Variants in SMOC1 observed in about 807,000 individuals in gnomAD.
The protein encoded by SMOC1 is SPARC related modular calcium binding 1, also known as SPARC-related modular calcium-binding protein 1.
A neutral mutation model predicts 56.3 loss-of-function variants in SMOC1; 22 were observed. That is an observed-to-expected ratio of 0.39 (90% confidence interval 0.28 to 0.56). SMOC1 has a LOEUF of 0.56. Ranked by LOEUF, SMOC1 falls within the 20% of genes least tolerant of loss-of-function variation. The probability of loss-of-function intolerance (pLI) is 0.61; values close to 1 mark genes in which losing one functional copy is unlikely to be tolerated. For synonymous variants in SMOC1, 193 were observed against 215.0 expected (o/e 0.90, Z 0.89); for missense variants, 509 against 565.4 (o/e 0.90, Z 1.01).
intron 1 of SMOC1, among the ~76,000 whole-genome samples, chr14:69,931,739 G>T (rs965541787): frequency 6.6e-6 from 1 of 152,202 alleles, no homozygotes. Context: ...GAAAATCAGG[G>T]GATGTGGCGG....
At chr14:69,952,389 G>T in intron 2 of SMOC1, 86 bp downstream of exon 2, 1 of 1,520,588 alleles carries the variant, frequency 6.6e-7, no homozygotes, top group South Asian at 1.1e-5. Flanking sequence ...GGGAAGCTTG[G>T]AGTAAGTCTG....
At chr14:69,951,911 G>T (rs1427047844) in intron 1 of SMOC1, among the ~76,000 whole-genome samples, 1 of 152,236 alleles carries the variant, frequency 6.6e-6, no homozygotes, top group Admixed American at 6.5e-5. Flanking sequence ...TTGGCACAAT[G>T]CCTGTTAATG....
intron 5 of SMOC1, among the ~76,000 whole-genome samples, chr14:69,981,099 G>C (rs1884163736): frequency 2.0e-5 from 3 of 152,056 alleles, no homozygotes; most frequent in Admixed American, 2.0e-4. Context: ...AGGAGGCCCA[G>C]AGAGATGGCA....
At chr14:69,918,517 C>T (rs1200428467) in intron 1 of SMOC1, among the ~76,000 whole-genome samples, 1 of 152,134 alleles carries the variant, frequency 6.6e-6, no homozygotes, top group African/African-American at 2.4e-5. Context: ...TGTGAGCCAC[C>T]ACGCTCGGCT....
At chr14:69,939,569 G>T (rs936771009) in intron 1 of SMOC1, among the ~76,000 whole-genome samples, 2 of 152,154 alleles carry the variant, frequency 1.3e-5, no homozygotes, top group Non-Finnish European at 2.9e-5. Context: ...ACTGGCTTTT[G>T]CAAGTTCTCT....
intron 1 of SMOC1, among the ~76,000 whole-genome samples, chr14:69,918,587 T>A (rs1005849729): frequency 3.9e-5 from 6 of 152,174 alleles, no homozygotes; most frequent in Non-Finnish European, 8.8e-5. Context: ...AACTCCTGGA[T>A]CCATCACTTA....
At chr14:70,025,265 G>C (rs1191416921) in intron 11 of SMOC1, among the ~76,000 whole-genome samples, 1 of 152,184 alleles carries the variant, frequency 6.6e-6, no homozygotes, top group African/African-American at 2.4e-5. Context: ...CCTAAGGAGA[G>C]AGTTTAGCAG....
chr14:69,882,605 A>G (rs140813328), intron 1 of SMOC1, among the ~76,000 whole-genome samples: 90 of 152,316 alleles, frequency 5.9e-4, no homozygotes, highest in African/African-American at 1.9e-3. Flanking sequence ...CTGAGGAGGC[A>G]GCCGTTTCTT....
rs141157620 is a variant in SMOC1 at position 69,963,118 on chromosome 14, T to C, written c.378+9586T>C. 1.3e-4 allele frequency among the ~76,000 whole-genome samples: 20 copies of C among 152,248 alleles called. 2 individuals are homozygous for C. In the East Asian group the frequency reaches 3.9e-3, roughly 29 times the overall value. ...CCACACTCTACTGATTACTATAACC[T>C]TGTAGTAAGTTTTGAAATCTTATTT... On this transcript the variant is annotated intron_variant, in intron 3 of 11. Coordinates refer to ENST00000361956, the MANE Select transcript of SMOC1 (RefSeq NM_001034852.3).
chr14:69,943,150 C>T (rs1329250453), intron 1 of SMOC1, among the ~76,000 whole-genome samples: 2 of 152,160 alleles, frequency 1.3e-5, no homozygotes, highest in Non-Finnish European at 2.9e-5. Flanking sequence ...TCCAGCTGCC[C>T]AACAGCTGGA....
At chr14:70,013,557 AG>A in intron 10 of SMOC1, 66 bp downstream of exon 10, 1 of 1,333,494 alleles carries the variant, frequency 7.5e-7, no homozygotes. Context: ...TCAAATGCTG[AG>A]GGAGGGTGAG....
intron 3 of SMOC1, among the ~76,000 whole-genome samples, chr14:69,957,509 T>C (rs1883230108): frequency 6.6e-6 from 1 of 152,230 alleles, no homozygotes; most frequent in African/African-American, 2.4e-5. Context: ...TCCAAGGCTG[T>C]GCTCTTAACT....
chr14:69,908,396 GCA>G (rs1884467927), intron 1 of SMOC1, among the ~76,000 whole-genome samples: 1 of 152,134 alleles, frequency 6.6e-6, no homozygotes, highest in African/African-American at 2.4e-5. Context: ...CTATAATATT[GCA>G]CAGTTACCTG....
intron 5 of SMOC1, among the ~76,000 whole-genome samples, chr14:69,982,504 A>AGGCAAT: frequency 6.6e-6 from 1 of 152,204 alleles, no homozygotes; most frequent in East Asian, 1.9e-4. Context: ...CTTAGGACAG[A>AGGCAAT]GGCAATGGCT....
At chr14:69,885,409 A>C in intron 1 of SMOC1, 1 of 1,600,874 alleles carries the variant, frequency 6.2e-7, no homozygotes, top group Non-Finnish European at 8.5e-7. Flanking sequence ...CCACAGACTT[A>C]GGACCCAGGA....
chr14:70,029,274 G>A (rs773192083), intron 11 of SMOC1, among the ~76,000 whole-genome samples: 1 of 152,204 alleles, frequency 6.6e-6, no homozygotes, highest in African/African-American at 2.4e-5. Context: ...GAATGAGGCT[G>A]GGACTTTGTG....
At chr14:69,993,848 G>T (rs1486750412) in intron 6 of SMOC1, among the ~76,000 whole-genome samples, 1 of 152,114 alleles carries the variant, frequency 6.6e-6, no homozygotes, top group Non-Finnish European at 1.5e-5. Context: ...CTGTCCACTG[G>T]GTGACCAAAT....
chr14:69,887,391 G>T (rs1883838776), intron 1 of SMOC1, among the ~76,000 whole-genome samples: 1 of 152,148 alleles, frequency 6.6e-6, no homozygotes, highest in South Asian at 2.1e-4. Flanking sequence ...GGTTGGTGTG[G>T]GTTGGTGTTG....
chr14:69,880,006 A>G (rs1883592214), intron 1 of SMOC1, among the ~76,000 whole-genome samples: 1 of 152,092 alleles, frequency 6.6e-6, no homozygotes, highest in Admixed American at 6.5e-5. Context: ...CTGTCCCCGA[A>G]CTGTCACTGG....
Sources: allele counts gnomAD v4.1 joint callset (sites outside exome capture counted in the v4.1 genomes callset), GRCh38; gene constraint gnomAD v4.1.1; transcripts MANE v1.5; gene names NCBI Gene and HGNC (gene_info 2026-07-23, HGNC 2026-07-21).